JDP2: variants seen among roughly 807,000 people sequenced by gnomAD.
JDP2 encodes the protein progesterone receptor co-activator.
JDP2 carries 9 observed loss-of-function variants against 17.1 expected under a neutral mutation model. That is an observed-to-expected ratio of 0.53 (90% confidence interval 0.32 to 0.92). The LOEUF is 0.92. Ranked by LOEUF, JDP2 falls within the 40% of genes least tolerant of loss-of-function variation. The pLI, the probability that JDP2 is intolerant of heterozygous loss-of-function variation, is 0.04. For synonymous variants in JDP2, 107 were observed against 95.6 expected, an observed-to-expected ratio of 1.12 and a Z score of -0.69; for missense variants, 179 against 220.0, an observed-to-expected ratio of 0.81 and a Z score of 1.18.
At chr14:75,441,433 C>T (rs1008050612) in intron 2 of JDP2, among the ~76,000 whole-genome samples, 4 of 152,214 alleles carry the variant, frequency 2.6e-5, no homozygotes, top group Non-Finnish European at 5.9e-5. Context: ...ATTTGTTAAG[C>T]ATCTACTATG....
chr14:75,433,672 C>T (rs1185211581), intron 1 of JDP2, among the ~76,000 whole-genome samples: 1 of 151,570 alleles, frequency 6.6e-6, no homozygotes, highest in Non-Finnish European at 1.5e-5. Context: ...CCACGGTGAC[C>T]TTCTGAACCT....
At chr14:75,432,576 G>T (rs867399289) in intron 1 of JDP2, among the ~76,000 whole-genome samples, 9 of 152,122 alleles carry the variant, frequency 5.9e-5, no homozygotes, top group African/African-American at 1.9e-4. Flanking sequence ...TCTCACCTCC[G>T]CATTCTCCCA....
At chr14:75,447,522 T>G (rs998035220) in intron 2 of JDP2, among the ~76,000 whole-genome samples, 2 of 152,184 alleles carry the variant, frequency 1.3e-5, no homozygotes. Flanking sequence ...TGGAGAGCAC[T>G]GCCAAGGTGA....
At chr14:75,445,178 G>C (rs1313622713) in intron 2 of JDP2, 1 of 985,288 alleles carries the variant, frequency 1.0e-6, no homozygotes, top group Non-Finnish European at 1.2e-6. Flanking sequence ...AGCCATTTAA[G>C]TCTGTTTTCC....
At chr14:75,466,966 A>T (rs1886592424) in intron 3 of JDP2, among the ~76,000 whole-genome samples, 1 of 152,112 alleles carries the variant, frequency 6.6e-6, no homozygotes, top group South Asian at 2.1e-4. Context: ...AAGTTACAGT[A>T]AGCCTCTCTG....
intron 1 of JDP2, chr14:75,432,119 G>A (rs1203265454): frequency 1.0e-5 from 6 of 595,794 alleles, no homozygotes; most frequent in Non-Finnish European, 1.8e-5. Flanking sequence ...GGCCTGCAGA[G>A]CTGGGGACAG....
chr14:75,464,847 C>G (rs1006333658), intron 3 of JDP2, among the ~76,000 whole-genome samples: 1 of 152,206 alleles, frequency 6.6e-6, no homozygotes, highest in Non-Finnish European at 1.5e-5. Flanking sequence ...CCTCCATCTG[C>G]GGTCAGGAGC....
chr14:75,468,176 C>T (rs1886651636), intron 3 of JDP2, among the ~76,000 whole-genome samples: 1 of 152,200 alleles, frequency 6.6e-6, no homozygotes, highest in African/African-American at 2.4e-5. Flanking sequence ...ATACAAGTTG[C>T]TCAATCTCTT....
chr14:75,433,195 CAAAAAAAAAAAA>C (rs780191475), intron 1 of JDP2, among the ~76,000 whole-genome samples: 11 of 19,396 alleles, frequency 5.7e-4, no homozygotes, highest in South Asian at 5.9e-3. Flanking sequence ...AACTCCGTCT[CAAAAAAAAAAAA>C]AAAAAAAAAA....
intron 2 of JDP2, among the ~76,000 whole-genome samples, chr14:75,443,358 T>C (rs909472443): frequency 6.6e-6 from 1 of 152,186 alleles, no homozygotes. Context: ...TTAGCAAGCT[T>C]TGCATAATTG....
At chr14:75,458,837 C>T (rs1886224746) in intron 2 of JDP2, among the ~76,000 whole-genome samples, 1 of 152,200 alleles carries the variant, frequency 6.6e-6, no homozygotes, top group African/African-American at 2.4e-5. Context: ...GGATATCTCA[C>T]TCAAGGCTGA....
intron 2 of JDP2, among the ~76,000 whole-genome samples, chr14:75,444,879 C>A (rs1191758764): frequency 6.6e-6 from 1 of 152,212 alleles, no homozygotes; most frequent in Middle Eastern, 3.2e-3. Context: ...AGTTTAGACG[C>A]AGCTGGAGTT....
Position 75,443,323 on chromosome 14 carries a change from C to T in JDP2, c.201+5202C>T, listed in dbSNP as rs139433035. Among the ~76,000 whole-genome samples, 597 of 152,212 alleles carry T rather than the reference C, an allele frequency of 3.9e-3. 2 individuals carry two copies. Among genetic ancestry groups the T allele is most frequent in the African/African-American group, 0.013 (546 of 41,530 alleles). ...TGCTTGTGTTTTTAGTGATTTGAAA[C>T]GTAAAGGCAGCCCACTGACATTTTT... On this transcript the variant is annotated intron_variant, in intron 2 of 3. Transcript: ENST00000651602.
At chr14:75,432,487 A>T (rs553241958) in intron 1 of JDP2, among the ~76,000 whole-genome samples, 47 of 152,068 alleles carry the variant, frequency 3.1e-4, no homozygotes, top group Non-Finnish European at 5.1e-4. Context: ...GCCATTGCCC[A>T]TGCCCTGCCG....
Position 75,438,094 on chromosome 14 carries a change from C to T in JDP2, c.174C>T (p.Gly58=). Residue 58 remains glycine (G), a synonymous_variant, in exon 2 of 4, where the codon GGC becomes GGT. Coordinates refer to ENST00000651602, the MANE Select transcript of JDP2 (RefSeq NM_001135048.2). ...APLHFLEVKL[G]KRPQPVKSEL... is the part of the protein sequence containing the mutation. ...TGCACTTCCTGGAGGTGAAACTGGGCAAGAGGCCCCAGCCCGTGAAAAGTG... is the reference window on the plus strand; with the variant it reads ...TGCACTTCCTGGAGGTGAAACTGGGTAAGAGGCCCCAGCCCGTGAAAAGTG... 6.2e-7 allele frequency: 1 copy of T among 1,612,332 alleles called. No homozygotes were observed. The highest frequency in any genetic ancestry group is 8.5e-7 in the Non-Finnish European group (1 of 1,178,868).
At position 75,470,185 on chromosome 14, in the gene JDP2, T is replaced by G. The variant is rs1175676051; in HGVS notation, c.*710T>G. On this transcript the variant is annotated 3_prime_UTR_variant, in exon 4 of 4. Transcript: ENST00000651602. ...TTTTATACTTTCCTTTTTTTTTTTT[T>G]TTTTAATATTTTTTACAAAAAAAAA... is the stretch of plus-strand genomic sequence containing the variant. The G allele has an allele frequency of 2.0e-5, 3 of 152,036 alleles. No individual in the cohort carries two copies. Among genetic ancestry groups the G allele is most frequent in the African/African-American group, 4.8e-5 (2 of 41,394 alleles). 9.4% of individuals were successfully genotyped at this position (152,036 alleles called of 1,614,324 possible). A position where few individuals can be genotyped will look rare whatever the true frequency, so the allele number is the denominator to read the frequency against.
In JDP2 at chr14:75,469,492, G is replaced by A. The variant is rs777216942; in HGVS notation, c.*17G>A. 1 of 1,607,218 alleles carries A rather than the reference G, an allele frequency of 6.2e-7. No individual in the cohort carries two copies. The highest frequency in any genetic ancestry group is 8.5e-7 in the Non-Finnish European group (1 of 1,176,080). On this transcript the variant is annotated 3_prime_UTR_variant, in exon 4 of 4. Coordinates refer to ENST00000651602, the MANE Select transcript of JDP2 (RefSeq NM_001135048.2). ...AAGAAGTGACCATGGGCTGGGAGGAGGTGGAGGAGGAGGAAGAGGAGAAGG... is the reference window on the plus strand; with the variant it reads ...AAGAAGTGACCATGGGCTGGGAGGAAGTGGAGGAGGAGGAAGAGGAGAAGG...
chr14:75,440,247 G>T (rs1885276884), intron 2 of JDP2, among the ~76,000 whole-genome samples: 1 of 152,202 alleles, frequency 6.6e-6, no homozygotes. Context: ...TGTTGTGGGG[G>T]CGAAGAGGCA....
chr14:75,436,223 AC>A (rs1239024273), intron 1 of JDP2, among the ~76,000 whole-genome samples: 2 of 150,408 alleles, frequency 1.3e-5, no homozygotes, highest in African/African-American at 2.5e-5. Flanking sequence ...AATGATCTAG[AC>A]CTGGGAAGCT....
Sources: gnomAD v4.1 joint callset for allele counts (sites outside exome capture counted in the v4.1 genomes callset) on GRCh38, gnomAD v4.1.1 for gene constraint, MANE v1.5 for transcripts, NCBI Gene and HGNC (gene_info 2026-07-23, HGNC 2026-07-21) for gene names.